EYA2: variants seen among roughly 807,000 people sequenced by gnomAD.
The protein encoded by EYA2 is EYA transcriptional coactivator and phosphatase 2.
EYA2 carries 31 observed loss-of-function variants against 69.2 expected under a neutral mutation model. The ratio of observed to expected loss-of-function variants is 0.45; its 90% CI spans 0.34 to 0.60. The LOEUF (loss-of-function observed/expected upper bound fraction) is 0.60, where lower values mean the gene tolerates loss of function less well. EYA2 is among the 20% of genes least tolerant of loss of function. The probability of loss-of-function intolerance (pLI) is 0.02; values close to 1 mark genes in which losing one functional copy is unlikely to be tolerated. For synonymous variants in EYA2, 257 were observed against 279.4 expected (o/e 0.92, Z 0.80); for missense variants, 622 against 701.2 (o/e 0.89, Z 1.28).
intron 5 of EYA2, among the ~76,000 whole-genome samples, chr20:47,053,668 A>C (rs1333848792): frequency 1.3e-5 from 1 of 78,996 alleles, no homozygotes; most frequent in Non-Finnish European, 2.5e-5. Flanking sequence ...ACCTTGTCTC[A>C]AAAAAAAAAA....
chr20:46,990,240 C>A (rs1755716697), intron 2 of EYA2, 121 bp downstream of exon 2: 1 of 536,234 alleles, frequency 1.9e-6, no homozygotes, highest in Non-Finnish European at 3.5e-6. Context: ...ATTTCTCCCC[C>A]TGCCATTTAA....
chr20:47,045,740 AT>A (rs2030003755), intron 5 of EYA2, among the ~76,000 whole-genome samples: 1 of 152,248 alleles, frequency 6.6e-6, no homozygotes, highest in Admixed American at 6.5e-5. Flanking sequence ...GTTTTTGAGA[AT>A]TTTTTTCAGC....
intron 9 of EYA2, among the ~76,000 whole-genome samples, chr20:47,116,060 TA>T (rs2032881714): frequency 1.3e-5 from 2 of 152,154 alleles, no homozygotes; most frequent in Admixed American, 1.3e-4. Context: ...CCAAGTTGGT[TA>T]AAAACCTCCT....
intron 10 of EYA2, among the ~76,000 whole-genome samples, chr20:47,147,991 G>A (rs547709595): frequency 2.7e-4 from 41 of 149,940 alleles, no homozygotes; most frequent in Admixed American, 6.7e-5. Context: ...CCCAGGAGGC[G>A]GAAGCTGCAG....
At position 46,949,045 on chromosome 20, in the gene EYA2, T is replaced by G. The variant is rs148671904; in HGVS notation, c.-10-40956T>G. Among the ~76,000 whole-genome samples, 469 of 152,336 alleles carry G rather than the reference T, an allele frequency of 3.1e-3. 1 individual carries two copies. Among genetic ancestry groups the G allele is most frequent in the African/African-American group, 0.011 (458 of 41,588 alleles). ...GAGGAAACTGCAGCTCAGAGGAATA[T>G]GCCCAGTGTCTTGGAGCTCAAGACT... On this transcript the variant is annotated intron_variant, in intron 1 of 15. Coordinates refer to ENST00000327619, the MANE Select transcript of EYA2 (RefSeq NM_005244.5).
At chr20:46,997,467 T>C (rs1982101386) in intron 2 of EYA2, 1 of 152,102 alleles carries the variant, frequency 6.6e-6, no homozygotes. Context: ...GAGTTTACAA[T>C]TCAGAAGGAA....
chr20:47,065,139 A>G (rs1031786381), intron 5 of EYA2, among the ~76,000 whole-genome samples: 2 of 152,156 alleles, frequency 1.3e-5, no homozygotes, highest in African/African-American at 4.8e-5. Flanking sequence ...TGCCCCCATG[A>G]TTCAATTACC....
At chr20:46,926,560 T>A (rs1985422627) in intron 1 of EYA2, among the ~76,000 whole-genome samples, 1 of 152,200 alleles carries the variant, frequency 6.6e-6, no homozygotes, top group South Asian at 2.1e-4. Context: ...CCACCCACTT[T>A]GGGGAGGGCC....
intron 1 of EYA2, among the ~76,000 whole-genome samples, chr20:46,919,887 T>A (rs532551549): frequency 1.5e-4 from 23 of 152,312 alleles, no homozygotes; most frequent in Middle Eastern, 3.4e-3. Flanking sequence ...ACTTGAGCAC[T>A]CAGAGGCCAT....
chr20:47,055,091 C>G (rs1198578925), intron 5 of EYA2, among the ~76,000 whole-genome samples: 1 of 152,144 alleles, frequency 6.6e-6, no homozygotes, highest in African/African-American at 2.4e-5. Context: ...ATTGGACCTG[C>G]CTGTTAGTTC....
At chr20:46,909,824 C>G (rs565872676) in intron 1 of EYA2, among the ~76,000 whole-genome samples, 2 of 152,306 alleles carry the variant, frequency 1.3e-5, no homozygotes, top group East Asian at 3.9e-4. Flanking sequence ...TTCTCCACCC[C>G]TCTCCTCCTG....
rs536831438 is a variant in EYA2, at chr20:47,173,342, G to A, written c.1198+475G>A. Among the ~76,000 whole-genome samples, 4 of 151,824 alleles carry A rather than the reference G, an allele frequency of 2.6e-5. No individual in the cohort carries two copies. In the South Asian group the frequency reaches 8.3e-4, roughly 32 times the overall value. ...GAATTCCAGAATCCCCCTGGAATCGGGAGGACCTGTGCCTTGAGTCTTTGC... is the reference window on the plus strand; with the variant it reads ...GAATTCCAGAATCCCCCTGGAATCGAGAGGACCTGTGCCTTGAGTCTTTGC... On this transcript the variant is annotated intron_variant, in intron 12 of 15. Transcript: ENST00000327619.
chr20:47,078,739 C>T (rs2031615914), intron 7 of EYA2, among the ~76,000 whole-genome samples: 1 of 152,144 alleles, frequency 6.6e-6, no homozygotes, highest in African/African-American at 2.4e-5. Flanking sequence ...AAATATGATA[C>T]AAATTATCTA....
At chr20:47,186,693 G>A (rs6066229) in intron 15 of EYA2, among the ~76,000 whole-genome samples, 60,313 of 151,610 alleles carry the variant, frequency 0.4, 12,573 homozygotes, top group Non-Finnish European at 0.47. Flanking sequence ...GGTCTCATGC[G>A]CTTCTTGTCC....
At chr20:47,063,075 A>G (rs2030956548) in intron 5 of EYA2, among the ~76,000 whole-genome samples, 1 of 152,152 alleles carries the variant, frequency 6.6e-6, no homozygotes, top group Non-Finnish European at 1.5e-5. Flanking sequence ...TTCCCATAAC[A>G]TAGAATTAAC....
At position 46,908,769 on chromosome 20, in the gene EYA2, A is replaced by T. The variant is rs190193796; in HGVS notation, c.-11+13782A>T. 2.0e-4 allele frequency among the ~76,000 whole-genome samples: 30 copies of T among 152,034 alleles called. No individual in the cohort carries two copies. In the East Asian group the frequency reaches 5.4e-3, roughly 28 times the overall value. On this transcript the variant is annotated intron_variant, in intron 1 of 15. Transcript: ENST00000327619. ...AAAATCACTATGAGGAACCACCAGAAATATACCTCCAGGCTCATAGTGTAC... is the reference window on the plus strand; with the variant it reads ...AAAATCACTATGAGGAACCACCAGATATATACCTCCAGGCTCATAGTGTAC...
intron 10 of EYA2, 42 bp from the exon 11 acceptor site, chr20:47,169,097 C>T (rs1356517694): frequency 3.2e-6 from 5 of 1,569,496 alleles, no homozygotes; most frequent in Non-Finnish European, 4.4e-6. Context: ...ATTAACCAGG[C>T]ATGTTCTCTC....
At chr20:47,119,475 C>T (rs1213967132) in intron 9 of EYA2, among the ~76,000 whole-genome samples, 2 of 152,132 alleles carry the variant, frequency 1.3e-5, no homozygotes, top group East Asian at 3.8e-4. Context: ...TAGTCATACT[C>T]GTGGAATATG....
chr20:46,952,430 T>C (rs1203416091), intron 1 of EYA2, among the ~76,000 whole-genome samples: 1 of 152,186 alleles, frequency 6.6e-6, no homozygotes, highest in Non-Finnish European at 1.5e-5. Context: ...AACCTCCTTT[T>C]AGAAATCGGT....
Sources: allele counts gnomAD v4.1 joint callset (sites outside exome capture counted in the v4.1 genomes callset), GRCh38; gene constraint gnomAD v4.1.1; transcripts MANE v1.5; gene names NCBI Gene and HGNC (gene_info 2026-07-23, HGNC 2026-07-21).